M6PR: variants seen among roughly 807,000 people sequenced by gnomAD.
M6PR encodes the protein mannose-6-phosphate receptor, cation dependent, also known as cation-dependent mannose-6-phosphate receptor.
M6PR carries 19 observed loss-of-function variants against 33.1 expected under a neutral mutation model. That is an observed-to-expected ratio of 0.57 (90% CI 0.40 to 0.84). The LOEUF (loss-of-function observed/expected upper bound fraction) is 0.84. Among genes scored for constraint, M6PR ranks in the 40% least tolerant of loss-of-function variants. The pLI, the probability that M6PR is intolerant of heterozygous loss-of-function variation, is 0.00. For synonymous variants in M6PR, 111 were observed against 123.4 expected (o/e 0.90, Z 0.67); for missense variants, 295 against 336.0 (o/e 0.88, Z 0.95).
intron 5 of M6PR, 91 bp downstream of exon 5, chr12:8,943,314 A>G: frequency 1.4e-6 from 2 of 1,453,018 alleles, no homozygotes; most frequent in East Asian, 2.3e-5. Context: ...TAATGTACAC[A>G]TACAATTTGT....
Position 8,946,324 on chromosome 12 carries a change from T to G in M6PR, c.81A>C (p.Thr27=), listed in dbSNP as rs923544322. The G allele has an allele frequency of 6.2e-7, 1 of 1,614,196 alleles. No homozygotes were observed. The change falls in exon 2 of 7, where the codon ACA becomes ACC. Residue 27 remains threonine (T), a synonymous_variant. Coordinates refer to ENST00000000412, the MANE Select transcript of M6PR (RefSeq NM_002355.4). ...CTACCAAGTCGCAAGTTTTTTCTTC[T>G]GTCTGCCAGGATTCTCTCACTGCCA... ...LAVAVRESWQ[T]EEKTCDLVGE...
chr12:8,948,611 A>T (rs1475846648), intron 1 of M6PR, among the ~76,000 whole-genome samples: 1 of 152,256 alleles, frequency 6.6e-6, no homozygotes, highest in Non-Finnish European at 1.5e-5. Flanking sequence ...CTTTGGAAAT[A>T]AGGAGCAGGA....
At chr12:8,944,348 G>A (rs935877172) in intron 3 of M6PR, among the ~76,000 whole-genome samples, 9 of 152,118 alleles carry the variant, frequency 5.9e-5, no homozygotes, top group Non-Finnish European at 8.8e-5. Flanking sequence ...CTCTTCTTTA[G>A]TATTTACTGT....
At chr12:8,945,259 T>C in intron 3 of M6PR, 159 bp downstream of exon 3, 1 of 681,364 alleles carries the variant, frequency 1.5e-6, no homozygotes, top group Non-Finnish European at 2.6e-6. Flanking sequence ...AGAGGAGCTG[T>C]GGAATTAGGC....
intron 3 of M6PR, among the ~76,000 whole-genome samples, chr12:8,945,033 CTGTAGT>C (rs1346566770): frequency 2.0e-5 from 3 of 152,188 alleles, no homozygotes; most frequent in Non-Finnish European, 4.4e-5. Flanking sequence ...TGGCACACAC[CTGTAGT>C]CCCAGCTACT....
rs972921458 is a variant in M6PR at position 8,941,768 on chromosome 12, T to C, written c.*50A>G. The C allele has an allele frequency of 1.2e-6, 2 of 1,608,660 alleles. No homozygotes were observed. Among genetic ancestry groups the C allele is most frequent in the Non-Finnish European group, 1.7e-6 (2 of 1,175,316 alleles). ...AGACTGCTTGAGAAATCTGGCTGTG[T>C]AGCTTTGGTTTGGGGGACTGAGGAA... On this transcript the variant is annotated 3_prime_UTR_variant, in exon 7 of 7. Coordinates refer to ENST00000000412, the MANE Select transcript of M6PR (RefSeq NM_002355.4).
rs757927047 is a variant in M6PR at position 8,946,360 on chromosome 12, T to G, written c.45A>C (p.Leu15=). 33 of 1,613,722 alleles carry G rather than the reference T, an allele frequency of 2.0e-5. No homozygotes were observed. The South Asian group carries it at 2.6e-4, about 13-fold the overall frequency. ...ATTCTCTCACTGCCACAGCCAGGAG[T>G]AGTAGTAGCAGTCCAGTCCTCCAGC... The part of the protein sequence containing the change: ...YSCWRTGLLL[L]LLAVAVRESW... The change falls in exon 2 of 7, where the codon CTA becomes CTC. Residue 15 remains leucine (L), a synonymous_variant. Transcript: ENST00000000412.
At position 8,946,187 on chromosome 12, in the gene M6PR, CATAA is replaced by C. The variant is rs773148011; in HGVS notation, c.176+38_176+41del. On this transcript the variant is annotated intron_variant, in intron 2 of 6. Transcript: ENST00000000412. ...AATCAGTAAGAAGAAAAGACTTTAA[CATAA>C]ATATTTTCTCAAGCTCTTTAAGGTT... 210 of 1,563,722 alleles carry C rather than the reference CATAA, an allele frequency of 1.3e-4. 1 individual carries two copies. In the East Asian group the frequency reaches 4.7e-3, roughly 35 times the overall value.
intron 6 of M6PR, chr12:8,942,175 T>C (rs927423146): frequency 7.3e-6 from 5 of 682,768 alleles, no homozygotes; most frequent in Non-Finnish European, 1.2e-5. Context: ...AAATCAGATT[T>C]AGAAGAGCCC....
At chr12:8,943,772 C>T (rs779650968) in intron 4 of M6PR, 29 bp downstream of exon 4, 4 of 1,587,728 alleles carry the variant, frequency 2.5e-6, no homozygotes, top group Non-Finnish European at 2.6e-6. Context: ...AGTCTCCTCC[C>T]TCGGCTTATA....
chr12:8,945,295 G>A (rs981351635), intron 3 of M6PR, 123 bp downstream of exon 3: 4 of 945,386 alleles, frequency 4.2e-6, no homozygotes, highest in East Asian at 4.8e-5. Flanking sequence ...ACAGTCTCAG[G>A]TGTGCCGAAC....
rs370445736 is a variant in M6PR, at chr12:8,945,545, G to A, written c.216C>T (p.Ile72=). The A allele has an allele frequency of 3.1e-6, 5 of 1,614,010 alleles. No individual in the cohort carries two copies. Among genetic ancestry groups the A allele is most frequent in the Non-Finnish European group, 4.2e-6 (5 of 1,180,040 alleles). Residue 72 remains isoleucine, a synonymous_variant, in exon 3 of 7, where the codon ATC becomes ATT. Transcript: ENST00000000412. The part of the protein sequence containing the change: ...STVGQGSDTY[I]YIFRVCREAG... ...CTTCCCGGCACACCCTGAAGATGTA[G>A]ATGTATGTGTCTGAACCCTGGCCCA...
chr12:8,944,467 G>A (rs1361888314), intron 3 of M6PR, among the ~76,000 whole-genome samples: 3 of 152,180 alleles, frequency 2.0e-5, no homozygotes, highest in African/African-American at 7.2e-5. Context: ...AAGGTGATAC[G>A]ACTTTCCAGT....
At position 8,946,298 on chromosome 12, in the gene M6PR, C is replaced by T. The variant is rs371194442; in HGVS notation, c.107G>A (p.Gly36Glu). ...QTEEKTCDLVGEKGKESEKEL... is the reference protein window; with the variant it reads ...QTEEKTCDLVEEKGKESEKEL... ...TTTCTCTGACTCTTTACCCTTTTCTCCTACCAAGTCGCAAGTTTTTTCTTC... is the reference window on the plus strand; with the variant it reads ...TTTCTCTGACTCTTTACCCTTTTCTTCTACCAAGTCGCAAGTTTTTTCTTC... The change falls in exon 2 of 7, where the codon GGA (glycine) becomes GAA (glutamate). Residue 36 changes from glycine to glutamate, a missense_variant. Gly to Glu is a moderately conservative substitution (Grantham distance 98). Transcript: ENST00000000412. 6.2e-7 allele frequency: 1 copy of T among 1,614,168 alleles called. No individual in the cohort carries two copies. Among genetic ancestry groups the T allele is most frequent in the Non-Finnish European group, 8.5e-7 (1 of 1,180,024 alleles).
intron 1 of M6PR, 113 bp from the exon 2 acceptor site, chr12:8,946,518 C>T (rs1434285487): frequency 1.2e-6 from 1 of 811,724 alleles, no homozygotes; most frequent in African/African-American, 1.7e-5. Context: ...CCAGAAAGTA[C>T]AAGATTCTCT....
At chr12:8,942,385 T>C in intron 6 of M6PR, 31 bp downstream of exon 6, 1 of 1,614,066 alleles carries the variant, frequency 6.2e-7, no homozygotes, top group Non-Finnish European at 8.5e-7. Flanking sequence ...GTTTGCAGGC[T>C]ACAAATTCAA....
rs1488742593 is a variant in M6PR at position 8,941,558 on chromosome 12, C to T, written c.*260G>A. 1 of 353,758 alleles carries T rather than the reference C, an allele frequency of 2.8e-6. No individual in the cohort carries two copies. Among genetic ancestry groups the T allele is most frequent in the African/African-American group, 2.1e-5 (1 of 48,432 alleles). 21.9% of individuals were successfully genotyped at this position (353,758 alleles called of 1,614,324 possible). A position where few individuals can be genotyped will look rare whatever the true frequency, so the allele number is the denominator to read the frequency against. ...TATTGTAACTTCTGATGTCAAGAGA[C>T]AATGCAAAAGCCTCTGTTTTCACAG... On this transcript the variant is annotated 3_prime_UTR_variant, in exon 7 of 7. Coordinates refer to ENST00000000412, the MANE Select transcript of M6PR (RefSeq NM_002355.4).
At chr12:8,943,699 A>C in intron 4 of M6PR, 102 bp downstream of exon 4, 1 of 1,329,422 alleles carries the variant, frequency 7.5e-7, no homozygotes, top group Non-Finnish European at 1.1e-6. Flanking sequence ...TAGTTTTCTA[A>C]TGTCCATCCC....
intron 2 of M6PR, 71 bp from the exon 3 acceptor site, chr12:8,945,655 T>A: frequency 7.8e-7 from 1 of 1,282,992 alleles, no homozygotes; most frequent in Non-Finnish European, 1.1e-6. Context: ...CAGCATCCCT[T>A]TCCTTAATTA....
Sources: gnomAD v4.1 joint callset for allele counts (sites outside exome capture counted in the v4.1 genomes callset) on GRCh38, gnomAD v4.1.1 for gene constraint, MANE v1.5 for transcripts, NCBI Gene and HGNC (gene_info 2026-07-23, HGNC 2026-07-21) for gene names.